The following MAP3K19 variants were observed in gnomAD, a reference collection of about 807,000 sequenced individuals.
The protein encoded by MAP3K19 is SPS1/STE20-related protein kinase YSK4.
In MAP3K19, 91 loss-of-function variants were observed where a neutral mutation model predicts 114.4. The ratio of observed to expected loss-of-function variants is 0.80; its 90% CI spans 0.67 to 0.95. The LOEUF (loss-of-function observed/expected upper bound fraction) is 0.95, where lower values mean the gene tolerates loss of function less well. Ranked by LOEUF, MAP3K19 falls within the 40% of genes least tolerant of loss-of-function variation. MAP3K19 has a pLI of 0.00. For missense variants in MAP3K19, 1,471 were observed against 1,573.2 expected (o/e 0.94, Z 1.10); for synonymous variants, 518 against 530.5 (o/e 0.98, Z 0.32).
chr2:135,020,900 T>C (rs1687926808), intron 5 of MAP3K19, among the ~76,000 whole-genome samples: 2 of 152,324 alleles, frequency 1.3e-5, no homozygotes, highest in African/African-American at 4.8e-5. Context: ...TAAACCTCTT[T>C]TGTTTATAAA....
intron 2 of MAP3K19, among the ~76,000 whole-genome samples, chr2:135,031,211 A>G (rs977142189): frequency 6.6e-6 from 1 of 151,880 alleles, no homozygotes; most frequent in Admixed American, 6.6e-5. Flanking sequence ...TAACAAGAGA[A>G]GTGAATACAG....
chr2:135,036,994 A>G (rs1688545386), intron 2 of MAP3K19, among the ~76,000 whole-genome samples: 1 of 134,338 alleles, frequency 7.4e-6, no homozygotes, highest in Non-Finnish European at 1.5e-5. Context: ...AACCAGTAAA[A>G]CATTCTTTTT....
intron 9 of MAP3K19, among the ~76,000 whole-genome samples, chr2:134,989,973 T>G (rs1186107922): frequency 6.6e-6 from 1 of 151,754 alleles, no homozygotes; most frequent in Non-Finnish European, 1.5e-5. Flanking sequence ...TCCCAGCTAC[T>G]CAGGAGGCTG....
chr2:134,997,107 G>T (rs1298330357), intron 8 of MAP3K19, among the ~76,000 whole-genome samples: 1 of 152,088 alleles, frequency 6.6e-6, no homozygotes, highest in Non-Finnish European at 1.5e-5. Context: ...CAAGATTTGG[G>T]AACTAACTTT....
In MAP3K19 at chr2:134,968,618, T is replaced by G. The variant is rs1468424270; in HGVS notation, c.3921-3702A>C. On this transcript the variant is annotated intron_variant, in intron 12 of 12. Transcript: ENST00000392915. Reference sequence around the variant, plus strand: ...CGGGGCGGTTGCCAGGCAGAGGGTCTCCTCACTTCTCAGACGGGGCGGCCG... The same window carrying G: ...CGGGGCGGTTGCCAGGCAGAGGGTCGCCTCACTTCTCAGACGGGGCGGCCG... Among the ~76,000 whole-genome samples, 643 of 143,996 alleles carry G rather than the reference T, an allele frequency of 4.5e-3. 13 individuals are homozygous for G. Among genetic ancestry groups the G allele is most frequent in the Admixed American group, 0.041 (601 of 14,538 alleles). 94.5% of individuals were successfully genotyped at this position (143,996 alleles called of 152,430 possible). A position where few individuals can be genotyped will look rare whatever the true frequency, so the allele number is the denominator to read the frequency against.
In MAP3K19 at chr2:134,965,004, G is replaced by A. The variant is rs572099339; in HGVS notation, c.3921-88C>T. ...TACTTAAATGTGAACTTTTAAAGAC[G>A]GAAATACAACTTCTGATAGTCAAAC... On this transcript the variant is annotated intron_variant, in intron 12 of 12. Transcript: ENST00000392915. The A allele has an allele frequency of 6.2e-5, 61 of 987,330 alleles. 1 individual carries two copies. In the Middle Eastern group the frequency reaches 6.4e-4, roughly 10 times the overall value. 61.2% of individuals were successfully genotyped at this position (987,330 alleles called of 1,614,324 possible).
chr2:134,998,639 T>C (rs1686201970), intron 8 of MAP3K19, 99 bp downstream of exon 8: 1 of 1,293,428 alleles, frequency 7.7e-7, no homozygotes, highest in Admixed American at 2.4e-5. Context: ...TTCTGGTATG[T>C]TCACTGCTTT....
Position 135,011,778 on chromosome 2 carries a change from G to T in MAP3K19, c.139-6247C>A, listed in dbSNP as rs75235494. Among the ~76,000 whole-genome samples, 3 of 151,998 alleles carry T rather than the reference G, an allele frequency of 2.0e-5. No individual in the cohort carries two copies. The East Asian group carries it at 5.8e-4, about 29-fold the overall frequency. On this transcript the variant is annotated intron_variant, in intron 5 of 12. Coordinates refer to ENST00000392915, the MANE Select transcript of MAP3K19 (RefSeq NM_025052.5). Reference sequence around the variant, plus strand: ...GCTCACTGTAACTTTGAACTCCTGGGCTTGAATGATCCTGTTGCCTCAGCC... The same window carrying T: ...GCTCACTGTAACTTTGAACTCCTGGTCTTGAATGATCCTGTTGCCTCAGCC...
At chr2:135,007,415 C>T (rs1165701477) in intron 5 of MAP3K19, among the ~76,000 whole-genome samples, 1 of 152,060 alleles carries the variant, frequency 6.6e-6, no homozygotes, top group Non-Finnish European at 1.5e-5. Context: ...AGCATTTATC[C>T]TTTGTGTTAC....
chr2:134,980,718 TA>T, intron 12 of MAP3K19, 102 bp downstream of exon 12: 1 of 1,070,960 alleles, frequency 9.3e-7, no homozygotes, highest in Non-Finnish European at 1.3e-6. Context: ...CTTGACTTCA[TA>T]ACCAAAACAG....
chr2:135,025,652 C>T (rs1042502043), intron 3 of MAP3K19, among the ~76,000 whole-genome samples: 3 of 152,022 alleles, frequency 2.0e-5, no homozygotes, highest in African/African-American at 7.3e-5. Context: ...TCCCAAAGTG[C>T]TGGGATTACA....
rs1237456789 is a variant in MAP3K19, at chr2:134,991,676, G to A, written c.575-96C>T. 2.7e-5 allele frequency: 26 copies of A among 978,988 alleles called. No individual in the cohort carries two copies. In the Admixed American group the frequency reaches 5.0e-4, roughly 19 times the overall value. The allele number at this position is 978,988 out of a possible 1,614,324, so 60.6% of individuals were successfully genotyped here. A position where few individuals can be genotyped will look rare whatever the true frequency, so the allele number is the denominator to read the frequency against. On this transcript the variant is annotated intron_variant, in intron 8 of 12. Transcript: ENST00000392915. Reference sequence around the variant, plus strand: ...GGATGGAGTAATACAGATGCTAAGGGGTCTGAGGAAAAGTTGTAGAAATTG... The same window carrying A: ...GGATGGAGTAATACAGATGCTAAGGAGTCTGAGGAAAAGTTGTAGAAATTG...
intron 10 of MAP3K19, 118 bp downstream of exon 10, chr2:134,985,681 GA>G: frequency 1.1e-6 from 1 of 937,582 alleles, no homozygotes; most frequent in East Asian, 2.7e-5. Flanking sequence ...GTGAGACCTT[GA>G]AAAAACTATT....
intron 5 of MAP3K19, among the ~76,000 whole-genome samples, chr2:135,018,143 T>C (rs1220384996): frequency 6.6e-6 from 1 of 151,576 alleles, no homozygotes; most frequent in Admixed American, 6.6e-5. Context: ...AATACAAAAT[T>C]AGCCGGGCAT....
chr2:135,018,498 A>G (rs1275888376), intron 5 of MAP3K19, among the ~76,000 whole-genome samples: 1 of 152,040 alleles, frequency 6.6e-6, no homozygotes, highest in Non-Finnish European at 1.5e-5. Context: ...CACCATGCCC[A>G]GCTAATTTTT....
At chr2:134,982,041 G>A (rs1227819307) in intron 11 of MAP3K19, among the ~76,000 whole-genome samples, 1 of 150,510 alleles carries the variant, frequency 6.6e-6, no homozygotes, top group East Asian at 1.9e-4. Context: ...TAGGATCACA[G>A]GTGTGTGCCA....
intron 3 of MAP3K19, among the ~76,000 whole-genome samples, chr2:135,028,061 T>G (rs1465687681): frequency 6.6e-6 from 1 of 152,216 alleles, no homozygotes; most frequent in Admixed American, 6.5e-5. Flanking sequence ...TTTAACTGGG[T>G]GTCCTGTATT....
Position 134,964,549 on chromosome 2 carries a change from T to C in MAP3K19, c.*301A>G. ...TAAAATTGACAGGACAGGCCAAAAATAAAAAGAAATGTCATATAAAACAAT... is the reference window on the plus strand; with the variant it reads ...TAAAATTGACAGGACAGGCCAAAAACAAAAAGAAATGTCATATAAAACAAT... On this transcript the variant is annotated 3_prime_UTR_variant, in exon 13 of 13. Coordinates refer to ENST00000392915, the MANE Select transcript of MAP3K19 (RefSeq NM_025052.5). 2 of 197,356 alleles carry C rather than the reference T, an allele frequency of 1.0e-5. No individual in the cohort carries two copies. Among genetic ancestry groups the C allele is most frequent in the Admixed American group, 5.9e-5 (1 of 16,868 alleles). 12.2% of individuals were successfully genotyped at this position (197,356 alleles called of 1,614,324 possible). A position where few individuals can be genotyped will look rare whatever the true frequency, so the allele number is the denominator to read the frequency against.
chr2:135,031,374 T>C (rs1688377269), intron 2 of MAP3K19, among the ~76,000 whole-genome samples: 1 of 151,832 alleles, frequency 6.6e-6, no homozygotes, highest in African/African-American at 2.4e-5. Context: ...GAGGATACAG[T>C]GTGAATAAAG....
Sources: gnomAD v4.1 joint callset for allele counts (sites outside exome capture counted in the v4.1 genomes callset) on GRCh38, gnomAD v4.1.1 for gene constraint, MANE v1.5 for transcripts, NCBI Gene and HGNC (gene_info 2026-07-23, HGNC 2026-07-21) for gene names.